PINX1: variants seen among roughly 807,000 people sequenced by gnomAD.
PINX1 encodes PIN2/TERF1-interacting telomerase inhibitor 1.
PINX1 carries 34 observed loss-of-function variants against 25.4 expected under a neutral mutation model. The observed-to-expected ratio is 1.34, with a 90% confidence interval of 1.02 to 1.78. PINX1 has a LOEUF of 1.78. PINX1 is among the 40% of genes most tolerant of loss of function. The pLI is 0.00. For synonymous variants in PINX1, 197 were observed against 147.7 expected, an observed-to-expected ratio of 1.33 and a Z score of -2.42; for missense variants, 592 against 404.9, an observed-to-expected ratio of 1.46 and a Z score of -3.97.
At chr8:10,783,697 T>C (rs1374138964) in intron 6 of PINX1, among the ~76,000 whole-genome samples, 2 of 152,182 alleles carry the variant, frequency 1.3e-5, no homozygotes, top group Admixed American at 6.5e-5. Context: ...GCAATAATGC[T>C]ACTGGGTAGC....
chr8:10,775,823 C>G (rs74778384), intron 6 of PINX1, among the ~76,000 whole-genome samples: 419 of 152,256 alleles, frequency 2.8e-3, no homozygotes, highest in African/African-American at 9.3e-3. Flanking sequence ...AAATAGGGCT[C>G]CTCAGTAACT....
rs1353952544 is a variant in PINX1 at position 10,826,240 on chromosome 8, G to A, written c.306C>T (p.Ser102=). ...AAGATTTCTTTTCCTTCTTGTCCGA[G>A]GAATCTTTAAAAAAGATGAAAAAAA... ...NTCHGQETTD[S]SDKKEKKSFS... is the part of the protein sequence containing the mutation. Residue 102 remains serine, a synonymous_variant, in exon 5 of 7, where the codon TCC becomes TCT. Transcript: ENST00000314787. The A allele has an allele frequency of 6.5e-6, 10 of 1,548,618 alleles. No individual in the cohort carries two copies. The highest frequency in any genetic ancestry group is 8.8e-6 in the Non-Finnish European group (10 of 1,130,280).
intron 6 of PINX1, among the ~76,000 whole-genome samples, chr8:10,787,012 G>C (rs1407961364): frequency 6.6e-6 from 1 of 152,120 alleles, no homozygotes; most frequent in Admixed American, 6.5e-5. Context: ...TGGAGGGGTA[G>C]GCAACAAGTA....
At chr8:10,824,949 G>A (rs912183140) in intron 5 of PINX1, among the ~76,000 whole-genome samples, 10 of 152,292 alleles carry the variant, frequency 6.6e-5, no homozygotes, top group Admixed American at 3.9e-4. Context: ...TCCATAGCAC[G>A]CTGGGGTGGA....
At chr8:10,766,422 G>T (rs1340112031) in intron 6 of PINX1, among the ~76,000 whole-genome samples, 1 of 152,212 alleles carries the variant, frequency 6.6e-6, no homozygotes, top group Non-Finnish European at 1.5e-5. Flanking sequence ...CTTCCATGAG[G>T]ACAGGAGCCG....
intron 6 of PINX1, among the ~76,000 whole-genome samples, chr8:10,767,358 T>C (rs13281048): frequency 0.074 from 11,282 of 152,048 alleles, 538 homozygotes; most frequent in African/African-American, 0.14. Context: ...CAATGGACAA[T>C]TGGGCCTTCA....
intron 6 of PINX1, among the ~76,000 whole-genome samples, chr8:10,787,177 T>C (rs1329348293): frequency 6.6e-6 from 1 of 151,892 alleles, no homozygotes; most frequent in Non-Finnish European, 1.5e-5. Context: ...TAAATGTATT[T>C]ACATATATAT....
intron 5 of PINX1, 46 bp downstream of exon 5, chr8:10,826,106 C>G: frequency 9.1e-7 from 1 of 1,093,654 alleles, no homozygotes; most frequent in East Asian, 2.4e-5. Flanking sequence ...CAACTCAGGA[C>G]AAACACGTAG....
intron 6 of PINX1, among the ~76,000 whole-genome samples, chr8:10,809,390 G>C (rs922915793): frequency 6.6e-6 from 1 of 152,216 alleles, no homozygotes; most frequent in South Asian, 2.1e-4. Context: ...ACCACTGACA[G>C]AACAGGCCCC....
intron 3 of PINX1, 34 bp downstream of exon 3, chr8:10,832,858 C>G (rs1429990339): frequency 7.6e-7 from 1 of 1,311,718 alleles, no homozygotes; most frequent in Non-Finnish European, 1.1e-6. Context: ...GCCAATTATG[C>G]AAAGACACCC....
chr8:10,779,604 T>C (rs921741075), intron 6 of PINX1, among the ~76,000 whole-genome samples: 10 of 152,204 alleles, frequency 6.6e-5, no homozygotes, highest in Admixed American at 3.9e-4. Context: ...ATTGTGTGTA[T>C]AATGGGAAAT....
intron 6 of PINX1, 46 bp downstream of exon 6, chr8:10,820,147 C>A: frequency 8.3e-7 from 1 of 1,205,936 alleles, no homozygotes; most frequent in Non-Finnish European, 1.2e-6. Flanking sequence ...AGGTGAAAAT[C>A]AGACAGTATT....
chr8:10,780,158 C>T (rs1204089883), intron 6 of PINX1, among the ~76,000 whole-genome samples: 1 of 152,196 alleles, frequency 6.6e-6, no homozygotes. Context: ...AGGTCATCTG[C>T]AAACGAGATA....
rs1797824157 is a variant in PINX1 at position 10,820,192 on chromosome 8, C to G, written c.471+1G>C. The G allele has an allele frequency of 6.3e-7, 1 of 1,598,136 alleles. No homozygotes were observed. The highest frequency in any genetic ancestry group is 8.6e-7 in the Non-Finnish European group (1 of 1,165,736). The stretch of plus-strand genomic sequence containing the variant: ...CACGGAAACTGTACGTGGCTTTATA[C>G]CTCGGGAGTCTTCTTACTCTGTCTT... On this transcript the variant is annotated splice_donor_variant, in intron 6 of 6. Coordinates refer to ENST00000314787, the MANE Select transcript of PINX1 (RefSeq NM_017884.6). LOFTEE classifies it high-confidence loss of function.
chr8:10,784,755 C>T (rs1445535700), intron 6 of PINX1, among the ~76,000 whole-genome samples: 2 of 152,194 alleles, frequency 1.3e-5, no homozygotes, highest in African/African-American at 2.4e-5. Flanking sequence ...GGAGCCTGGA[C>T]TAAAGTTAGG....
intron 6 of PINX1, among the ~76,000 whole-genome samples, chr8:10,807,914 A>T (rs1802505986): frequency 6.6e-6 from 1 of 152,162 alleles, no homozygotes; most frequent in Non-Finnish European, 1.5e-5. Context: ...CTTAAGAGAG[A>T]GGTCTCCTGG....
At chr8:10,778,954 G>A (rs948404908) in intron 6 of PINX1, among the ~76,000 whole-genome samples, 7 of 152,306 alleles carry the variant, frequency 4.6e-5, no homozygotes, top group African/African-American at 7.2e-5. Flanking sequence ...CACTATGGAC[G>A]CTAGCTTGCA....
At chr8:10,795,618 C>G (rs1240377499) in intron 6 of PINX1, among the ~76,000 whole-genome samples, 1 of 152,192 alleles carries the variant, frequency 6.6e-6, no homozygotes, top group African/African-American at 2.4e-5. Context: ...CCAGGCTGGT[C>G]TCGAACTCTT....
intron 6 of PINX1, among the ~76,000 whole-genome samples, chr8:10,804,494 G>A (rs1019923798): frequency 6.6e-6 from 1 of 152,064 alleles, no homozygotes; most frequent in Non-Finnish European, 1.5e-5. Flanking sequence ...TGTGTTAAGG[G>A]AGCTGCATCT....
Sources: allele counts gnomAD v4.1 joint callset (sites outside exome capture counted in the v4.1 genomes callset), GRCh38; gene constraint gnomAD v4.1.1; transcripts MANE v1.5; gene names NCBI Gene and HGNC (gene_info 2026-07-23, HGNC 2026-07-21).